Variants in COQ10B observed in about 807,000 individuals in gnomAD.
The protein encoded by COQ10B is coenzyme Q10B.
In COQ10B, 12 loss-of-function variants were observed where a neutral mutation model predicts 27.6. The observed-to-expected ratio is 0.43, with a 90% CI of 0.28 to 0.70. The LOEUF is 0.70. Among genes scored for constraint, COQ10B ranks in the 30% least tolerant of loss-of-function variants. The probability of loss-of-function intolerance (pLI) is 0.17; values close to 1 mark genes in which losing one functional copy is unlikely to be tolerated. For synonymous variants in COQ10B, 115 were observed against 103.0 expected (o/e 1.12, Z -0.71); for missense variants, 278 against 288.7 (o/e 0.96, Z 0.27).
At chr2:197,461,556 AGTCTGTGT>A (rs1363500417) in intron 2 of COQ10B, among the ~76,000 whole-genome samples, 37 of 89,154 alleles carry the variant, frequency 4.2e-4, no homozygotes, top group African/African-American at 2.1e-3. Context: ...ATACTGATTT[AGTCTGTGT>A]GTGTGTGTGT....
chr2:197,460,131 G>T, intron 2 of COQ10B, 50 bp downstream of exon 2: 11 of 1,337,412 alleles, frequency 8.2e-6, no homozygotes, highest in Non-Finnish European at 1.1e-5. Context: ...ACAATTTTCC[G>T]TGGGGTATCG....
intron 1 of COQ10B, chr2:197,454,193 C>A: frequency 6.9e-7 from 1 of 1,446,174 alleles, no homozygotes; most frequent in Non-Finnish European, 9.3e-7. Flanking sequence ...TTTCACTCTG[C>A]TGTAACTTAC....
chr2:197,473,415 A>AATATATATATAT (rs1161758409), intron 4 of COQ10B, among the ~76,000 whole-genome samples: 37 of 59,488 alleles, frequency 6.2e-4, no homozygotes, highest in East Asian at 3.9e-3. Context: ...AAAAAAAAAA[A>AATATATATATAT]ATATATATAT....
intron 1 of COQ10B, among the ~76,000 whole-genome samples, chr2:197,456,965 T>TTG (rs1028138716): frequency 1.5e-4 from 23 of 151,774 alleles, no homozygotes; most frequent in Non-Finnish European, 2.8e-4. Context: ...GAGAACAGTT[T>TTG]TGTGGAAGAC....
chr2:197,473,847 A>G lies in COQ10B; in HGVS notation c.640A>G (p.Arg214Gly). Residue 214 changes from arginine (R) to glycine (G), a missense_variant, in exon 5 of 5, where the codon AGA becomes GGA. Coordinates refer to ENST00000263960, the MANE Select transcript of COQ10B (RefSeq NM_025147.5). ...GAAGCAGATGGTAGCTGCCTTTGAA[A>G]GAAGAGCATGTAAGCTGTATGGTCC... ...VVKQMVAAFE[R>G]RACKLYGPET... 4 of 1,606,286 alleles carry G rather than the reference A, an allele frequency of 2.5e-6. No homozygotes were observed. Among genetic ancestry groups the G allele is most frequent in the Non-Finnish European group, 3.4e-6 (4 of 1,174,798 alleles).
At chr2:197,463,589 C>G (rs1335067836) in intron 3 of COQ10B, among the ~76,000 whole-genome samples, 1 of 150,648 alleles carries the variant, frequency 6.6e-6, no homozygotes, top group Non-Finnish European at 1.5e-5. Flanking sequence ...GCCTGGGCAA[C>G]AGAGTGAGAC....
chr2:197,473,412 A>AT lies in COQ10B; in HGVS notation c.550-345_550-344insT, dbSNP rs1459862998. On this transcript the variant is annotated intron_variant, in intron 4 of 4. Coordinates refer to ENST00000263960, the MANE Select transcript of COQ10B (RefSeq NM_025147.5). ...CTACGCCCCCCCCCACAAAAAAAAA[A>AT]AAAATATATATATATATATATATAT... Among the ~76,000 whole-genome samples, 529 of 64,486 alleles carry AT rather than the reference A, an allele frequency of 8.2e-3. 2 individuals are homozygous for AT. Among genetic ancestry groups the AT allele is most frequent in the Non-Finnish European group, 0.013 (434 of 32,654 alleles). 42.3% of individuals were successfully genotyped at this position (64,486 alleles called of 152,430 possible). A position where few individuals can be genotyped will look rare whatever the true frequency, so the allele number is the denominator to read the frequency against.
At chr2:197,468,190 C>G (rs1178487442) in intron 3 of COQ10B, among the ~76,000 whole-genome samples, 2 of 151,990 alleles carry the variant, frequency 1.3e-5, no homozygotes, top group Admixed American at 6.6e-5. Flanking sequence ...CCTGTAATCC[C>G]AGCACTTTGG....
intron 1 of COQ10B, among the ~76,000 whole-genome samples, chr2:197,456,404 C>T (rs2085698745): frequency 6.7e-6 from 1 of 148,396 alleles, no homozygotes; most frequent in Non-Finnish European, 1.5e-5. Flanking sequence ...GCAGAGGTTG[C>T]AGTGAGCCGA....
chr2:197,459,948 G>T lies in COQ10B; in HGVS notation c.121G>T (p.Gly41Cys). The change falls in exon 2 of 5, where the codon GGT becomes TGT. Residue 41 changes from glycine to cysteine, a missense_variant. By Grantham distance (159) the Gly-to-Cys change is radical (BLOSUM62 -3). Around this residue, in one of 3 missense-constraint regions of COQ10B, gnomAD observed 183 missense variants for 158.2 expected, o/e 1.16. Transcript: ENST00000263960. ...TCTTTTCAGATATTTAGCTTCCTGT[G>T]GTATACTGATGAGCAGAACTCTTCC... The part of the protein sequence containing the change: ...VRNGRYLASC[G>C]ILMSRTLPLH... The T allele has an allele frequency of 6.2e-7, 1 of 1,602,990 alleles. No homozygotes were observed. The highest frequency in any genetic ancestry group is 8.5e-7 in the Non-Finnish European group (1 of 1,175,726).
intron 1 of COQ10B, among the ~76,000 whole-genome samples, chr2:197,455,316 A>G (rs1047360366): frequency 6.6e-6 from 1 of 152,146 alleles, no homozygotes; most frequent in Non-Finnish European, 1.5e-5. Context: ...TACAGAATCA[A>G]CGTAGGTGTC....
chr2:197,458,968 C>T (rs534277289), intron 1 of COQ10B, among the ~76,000 whole-genome samples: 2 of 152,268 alleles, frequency 1.3e-5, no homozygotes, highest in African/African-American at 4.8e-5. Flanking sequence ...GCATGAGCCA[C>T]CTCACCCAGT....
chr2:197,471,953 A>G (rs2085881948), intron 4 of COQ10B, among the ~76,000 whole-genome samples: 1 of 151,870 alleles, frequency 6.6e-6, no homozygotes, highest in Admixed American at 6.6e-5. Context: ...AAAAAAAAAA[A>G]AAAGGACAAT....
In COQ10B at chr2:197,474,811, T is replaced by G. The variant is rs2085932521; in HGVS notation, c.*887T>G. The G allele has an allele frequency of 6.7e-6, 1 of 149,028 alleles. No individual in the cohort carries two copies. Among genetic ancestry groups the G allele is most frequent in the Non-Finnish European group, 1.5e-5 (1 of 67,714 alleles). The allele number at this position is 149,028 out of a possible 1,614,324, so 9.2% of individuals were successfully genotyped here. A position where few individuals can be genotyped will look rare whatever the true frequency, so the allele number is the denominator to read the frequency against. On this transcript the variant is annotated 3_prime_UTR_variant, in exon 5 of 5. Transcript: ENST00000263960. ...GCTAGCTCCCAGATAAACAGTGTAT[T>G]TTCTTCTTTTTTTTTTTTTTTTTGG...
chr2:197,460,824 G>A (rs779797539), intron 2 of COQ10B, among the ~76,000 whole-genome samples: 1 of 152,204 alleles, frequency 6.6e-6, no homozygotes, highest in Non-Finnish European at 1.5e-5. Context: ...TCCGAAGGCA[G>A]ACATAGATAA....
Position 197,474,206 on chromosome 2 carries a change from A to C in COQ10B, c.*282A>C. The C allele has an allele frequency of 4.1e-6, 1 of 245,020 alleles. No homozygotes were observed. The allele number at this position is 245,020 out of a possible 1,614,324, so 15.2% of individuals were successfully genotyped here. Reference sequence around the variant, plus strand: ...ATACTGGCATGATTCTTCTGAGCAGAAGTTGAAACTGTAAATTTAAACCTT... The same window carrying C: ...ATACTGGCATGATTCTTCTGAGCAGCAGTTGAAACTGTAAATTTAAACCTT... On this transcript the variant is annotated 3_prime_UTR_variant, in exon 5 of 5. Coordinates refer to ENST00000263960, the MANE Select transcript of COQ10B (RefSeq NM_025147.5).
chr2:197,474,817 C>CT lies in COQ10B; in HGVS notation c.*910dup, dbSNP rs10640829. 0.23 allele frequency: 30,533 copies of CT among 133,210 alleles called. 3,840 individuals carry two copies. Among genetic ancestry groups the CT allele is most frequent in the African/African-American group, 0.34 (12,376 of 36,300 alleles). The allele number at this position is 133,210 out of a possible 1,614,324, so 8.3% of individuals were successfully genotyped here. On this transcript the variant is annotated 3_prime_UTR_variant, in exon 5 of 5. Transcript: ENST00000263960. ...TCCCAGATAAACAGTGTATTTTCTT[C>CT]TTTTTTTTTTTTTTTTTGGTGAGTG...
intron 4 of COQ10B, among the ~76,000 whole-genome samples, chr2:197,471,679 C>T (rs566153654): frequency 2.0e-5 from 3 of 152,002 alleles, no homozygotes; most frequent in Admixed American, 6.5e-5. Flanking sequence ...CAGTGGCTCA[C>T]GCCTGTAATC....
chr2:197,473,701 A>G, intron 4 of COQ10B, 56 bp from the exon 5 acceptor site: 1 of 1,296,380 alleles, frequency 7.7e-7, no homozygotes, highest in Non-Finnish European at 1.0e-6. Flanking sequence ...AAACCAAAAA[A>G]AAAAAAAAAG....
Sources: allele counts gnomAD v4.1 joint callset (sites outside exome capture counted in the v4.1 genomes callset), GRCh38; gene constraint gnomAD v4.1.1; regional missense constraint gnomAD v4.1.1; transcripts MANE v1.5; gene names NCBI Gene and HGNC (gene_info 2026-07-23, HGNC 2026-07-21).